The following CPEB3 variants were observed in gnomAD, a reference collection of about 807,000 sequenced individuals.
CPEB3 encodes cytoplasmic polyadenylation element-binding protein 3.
CPEB3 carries 20 observed loss-of-function variants against 67.2 expected under a neutral mutation model. The ratio of observed to expected loss-of-function variants is 0.30; its 90% CI spans 0.21 to 0.43. CPEB3 has a LOEUF of 0.43. CPEB3 is among the 20% of genes least tolerant of loss of function. The probability of loss-of-function intolerance (pLI) is 1.00; values close to 1 mark genes in which losing one functional copy is unlikely to be tolerated. For missense variants in CPEB3, 746 were observed against 968.6 expected (o/e 0.77, Z 3.05); for synonymous variants, 376 against 393.1 (o/e 0.96, Z 0.51).
At chr10:92,128,803 C>T (rs1386592624) in intron 6 of CPEB3, among the ~76,000 whole-genome samples, 1 of 152,198 alleles carries the variant, frequency 6.6e-6, no homozygotes, top group African/African-American at 2.4e-5. Context: ...GATACCACCT[C>T]ACACTAGTCA....
At chr10:92,133,521 T>C (rs1314665526) in intron 6 of CPEB3, among the ~76,000 whole-genome samples, 1 of 152,126 alleles carries the variant, frequency 6.6e-6, no homozygotes, top group Non-Finnish European at 1.5e-5. Context: ...ATTGAGGCAA[T>C]AATTAATAGC....
chr10:92,239,774 G>C lies in CPEB3; in HGVS notation c.577C>G (p.Pro193Ala). 1 of 1,427,238 alleles carries C rather than the reference G, an allele frequency of 7.0e-7. No homozygotes were observed. The highest frequency in any genetic ancestry group is 9.1e-7 in the Non-Finnish European group (1 of 1,097,608). The allele number at this position is 1,427,238 out of a possible 1,614,324, so 88.4% of individuals were successfully genotyped here. A position where few individuals can be genotyped will look rare whatever the true frequency, so the allele number is the denominator to read the frequency against. Residue 193 changes from proline (P) to alanine (A), a missense_variant, in exon 2 of 10, where the codon CCC (proline) becomes GCC (alanine). Physicochemically the swap from Pro to Ala is conservative, Grantham distance 27 (BLOSUM62 -1). This residue lies in a region of CPEB3 where 643 missense variants were observed against 717.5 expected (regional missense o/e 0.90). Coordinates refer to ENST00000265997, the MANE Select transcript of CPEB3 (RefSeq NM_014912.5). This position sits in a 1 kb window ranked among gnomAD's most constrained non-coding sequence, Gnocchi z 6.0. ...QAQPPQQRRS[P>A]ASPSQAPYAQ... ...TAGGGCGCCTGGCTGGGGCTGGCGG[G>C]TGAGCGGCGCTGCTGCGGGGGCTGC... is the stretch of plus-strand genomic sequence containing the variant.
intron 6 of CPEB3, among the ~76,000 whole-genome samples, chr10:92,114,496 G>GTC (rs1229572692): frequency 6.6e-6 from 1 of 152,216 alleles, no homozygotes; most frequent in Non-Finnish European, 1.5e-5. Flanking sequence ...GAGACAGAAG[G>GTC]TCTAGATTCG....
chr10:92,081,187 G>T, intron 9 of CPEB3, 133 bp downstream of exon 9: 2 of 925,350 alleles, frequency 2.2e-6, no homozygotes, highest in Non-Finnish European at 3.4e-6. Flanking sequence ...AGGCAGCCTA[G>T]ATGAATTCAT....
intron 9 of CPEB3, among the ~76,000 whole-genome samples, chr10:92,067,677 G>T (rs549142929): frequency 6.6e-6 from 1 of 151,800 alleles, no homozygotes; most frequent in East Asian, 1.9e-4. Context: ...AATTAGCTGG[G>T]CGTGGTGGCA....
chr10:92,222,708 C>G (rs1202325603), intron 2 of CPEB3, among the ~76,000 whole-genome samples: 1 of 152,104 alleles, frequency 6.6e-6, no homozygotes, highest in East Asian at 1.9e-4. Flanking sequence ...TGTTACAGCT[C>G]ACTTCTCTCC....
intron 7 of CPEB3, among the ~76,000 whole-genome samples, chr10:92,097,541 T>A (rs1843937714): frequency 6.6e-6 from 1 of 152,194 alleles, no homozygotes; most frequent in African/African-American, 2.4e-5. Context: ...ACTGCTTATC[T>A]CCAAAGGCAA....
chr10:92,239,213 G>T lies in CPEB3; in HGVS notation c.1005+133C>A. 1.0e-6 allele frequency: 1 copy of T among 957,846 alleles called. No individual in the cohort carries two copies. Among genetic ancestry groups the T allele is most frequent in the Non-Finnish European group, 1.5e-6 (1 of 647,244 alleles). 59.3% of individuals were successfully genotyped at this position (957,846 alleles called of 1,614,324 possible). ...ATGGAACAGCCCTAAAGAACTGGAG[G>T]CTTCGGAAGGGGAAAGAGGAGCTGG... On this transcript the variant is annotated intron_variant, in intron 2 of 9. Transcript: ENST00000265997. This position sits in a 1 kb window ranked among gnomAD's most constrained non-coding sequence, Gnocchi z 6.0.
intron 4 of CPEB3, among the ~76,000 whole-genome samples, chr10:92,165,984 G>A (rs1847720857): frequency 6.6e-6 from 1 of 152,162 alleles, no homozygotes; most frequent in African/African-American, 2.4e-5. Flanking sequence ...CTCGTCCAAT[G>A]AATCACAAAA....
chr10:92,212,185 C>T (rs1023934340), intron 2 of CPEB3, among the ~76,000 whole-genome samples: 3 of 148,638 alleles, frequency 2.0e-5, no homozygotes, highest in African/African-American at 7.4e-5. Context: ...CCAGCTCCAA[C>T]ATATATGTTT....
At chr10:92,172,784 G>T (rs892577845) in intron 4 of CPEB3, among the ~76,000 whole-genome samples, 13 of 152,172 alleles carry the variant, frequency 8.5e-5, no homozygotes, top group African/African-American at 3.1e-4. Flanking sequence ...GGTAAAGTTG[G>T]TGCTCAAGAA....
intron 2 of CPEB3, among the ~76,000 whole-genome samples, chr10:92,199,349 C>T (rs1291614501): frequency 6.8e-6 from 1 of 147,518 alleles, no homozygotes; most frequent in African/African-American, 2.5e-5. Context: ...CGAGATCATG[C>T]CATTGCACTC....
intron 6 of CPEB3, among the ~76,000 whole-genome samples, chr10:92,120,388 T>C (rs1046817697): frequency 2.6e-5 from 4 of 152,144 alleles, no homozygotes; most frequent in East Asian, 2.0e-4. Context: ...ATTGAGACCA[T>C]CCTGGCTAAC....
At chr10:92,081,217 T>C (rs1319366823) in intron 9 of CPEB3, 103 bp downstream of exon 9, 1 of 1,203,568 alleles carries the variant, frequency 8.3e-7, no homozygotes, top group Non-Finnish European at 1.2e-6. Flanking sequence ...CCATGCAAGG[T>C]AGAGCTGGTC....
intron 1 of CPEB3, among the ~76,000 whole-genome samples, chr10:92,275,845 C>CTCTTTTCT (rs1841954627): frequency 1.1e-5 from 1 of 92,978 alleles, no homozygotes; most frequent in Non-Finnish European, 2.4e-5. Flanking sequence ...TCATTCTTTT[C>CTCTTTTCT]TTTTTTTTTT....
intron 4 of CPEB3, among the ~76,000 whole-genome samples, chr10:92,180,734 T>C (rs1848422593): frequency 6.6e-6 from 1 of 152,210 alleles, no homozygotes; most frequent in Non-Finnish European, 1.5e-5. Flanking sequence ...GCCTCATCCT[T>C]AAGTGTCTGA....
chr10:92,268,008 G>A (rs772753892), intron 1 of CPEB3, among the ~76,000 whole-genome samples: 10 of 151,948 alleles, frequency 6.6e-5, no homozygotes, highest in South Asian at 2.1e-4. Flanking sequence ...TATTAGAGAC[G>A]GGTTTCACCA....
intron 6 of CPEB3, among the ~76,000 whole-genome samples, chr10:92,127,482 C>T (rs1447490073): frequency 6.6e-6 from 1 of 152,012 alleles, no homozygotes; most frequent in Non-Finnish European, 1.5e-5. Flanking sequence ...TCACGACCAG[C>T]CTGGGCAATA....
intron 1 of CPEB3, among the ~76,000 whole-genome samples, chr10:92,289,016 C>T (rs528866006): frequency 2.0e-5 from 3 of 152,190 alleles, no homozygotes; most frequent in South Asian, 2.1e-4. Flanking sequence ...GAGGCCGAGG[C>T]AGGCAGATCA....
Sources: gnomAD v4.1 joint callset for allele counts (sites outside exome capture counted in the v4.1 genomes callset) on GRCh38, gnomAD v4.1.1 for gene constraint, gnomAD v4.1.1 regional missense constraint, Gnocchi (gnomAD v3.1) non-coding constraint, MANE v1.5 for transcripts, NCBI Gene and HGNC (gene_info 2026-07-23, HGNC 2026-07-21) for gene names.